ATP13A4: variants seen among roughly 807,000 people sequenced by gnomAD.
ATP13A4 encodes ATPase 13A4.
Under a neutral mutation model 142.5 loss-of-function variants are expected in ATP13A4, and 114 were observed. That is an observed-to-expected ratio of 0.80 (90% CI 0.69 to 0.93). The LOEUF (loss-of-function observed/expected upper bound fraction) is 0.93. Ranked by LOEUF, ATP13A4 falls within the 40% of genes least tolerant of loss-of-function variation. The pLI is 0.00. For missense variants in ATP13A4, 1,392 were observed against 1,454.0 expected (o/e 0.96, Z 0.69); for synonymous variants, 488 against 514.8 (o/e 0.95, Z 0.70).
At chr3:193,479,947 A>G (rs1719193415) in intron 8 of ATP13A4, among the ~76,000 whole-genome samples, 1 of 152,148 alleles carries the variant, frequency 6.6e-6, no homozygotes, top group Non-Finnish European at 1.5e-5. Context: ...ACAATAGAGA[A>G]CTTAGAAATA....
chr3:193,494,122 T>C (rs1292333451), intron 3 of ATP13A4, among the ~76,000 whole-genome samples: 7 of 152,044 alleles, frequency 4.6e-5, no homozygotes, highest in Admixed American at 4.6e-4. Context: ...AGCACCTAAA[T>C]ATATAAAGCA....
chr3:193,552,855 G>C (rs1577076587), intron 1 of ATP13A4, among the ~76,000 whole-genome samples: 1 of 152,146 alleles, frequency 6.6e-6, no homozygotes, highest in East Asian at 1.9e-4. Flanking sequence ...TACCTCATAG[G>C]GTTGTGAGGA....
intron 6 of ATP13A4, among the ~76,000 whole-genome samples, chr3:193,491,067 A>T (rs1719916618): frequency 6.6e-6 from 1 of 152,248 alleles, no homozygotes; most frequent in African/African-American, 2.4e-5. Flanking sequence ...TTAAAAAAGA[A>T]AAGAAACATT....
At chr3:193,529,125 CCG>C (rs1722173076) in intron 1 of ATP13A4, among the ~76,000 whole-genome samples, 2 of 152,066 alleles carry the variant, frequency 1.3e-5, no homozygotes, top group African/African-American at 4.8e-5. Context: ...CGAAAATTAG[CCG>C]GCAATGGTGG....
chr3:193,409,740 A>G (rs1007477612), intron 28 of ATP13A4, among the ~76,000 whole-genome samples: 1 of 152,328 alleles, frequency 6.6e-6, no homozygotes, highest in East Asian at 1.9e-4. Flanking sequence ...CAAACTAAAG[A>G]TATTAGTTAG....
chr3:193,582,500 A>G (rs1407582733), intron 1 of ATP13A4, among the ~76,000 whole-genome samples: 2 of 142,624 alleles, frequency 1.4e-5, no homozygotes, highest in East Asian at 4.0e-4. Flanking sequence ...GTATATACTT[A>G]TAAGTATACA....
At chr3:193,591,989 TAA>T (rs919190513) in intron 1 of ATP13A4, among the ~76,000 whole-genome samples, 20 of 152,266 alleles carry the variant, frequency 1.3e-4, no homozygotes, top group African/African-American at 3.9e-4. Flanking sequence ...AAGAAAATTC[TAA>T]GAGTCCTGCA....
intron 1 of ATP13A4, among the ~76,000 whole-genome samples, chr3:193,584,661 A>G (rs961919540): frequency 6.6e-6 from 1 of 151,634 alleles, no homozygotes; most frequent in Non-Finnish European, 1.5e-5. Context: ...TGTTTAATGT[A>G]AACTTTCAAT....
At chr3:193,469,056 G>A (rs753064881) in intron 9 of ATP13A4, among the ~76,000 whole-genome samples, 1 of 152,146 alleles carries the variant, frequency 6.6e-6, no homozygotes, top group Non-Finnish European at 1.5e-5. Context: ...AGCTCATGAG[G>A]TTATGGATGA....
intron 2 of ATP13A4, among the ~76,000 whole-genome samples, chr3:193,576,247 ATCTTTTTTTTTT>A (rs1724390608): frequency 4.7e-5 from 5 of 107,332 alleles, no homozygotes; most frequent in Non-Finnish European, 1.0e-4. Context: ...GCTTGAATCA[ATCTTTTTTTTTT>A]TTTTTTTTTT....
chr3:193,448,075 G>A, intron 18 of ATP13A4, 131 bp downstream of exon 18: 1 of 1,230,592 alleles, frequency 8.1e-7, no homozygotes, highest in South Asian at 1.4e-5. Context: ...GTGCCTTTTT[G>A]TTGCCCATCT....
intron 1 of ATP13A4, 86 bp from the exon 2 acceptor site, chr3:193,514,957 G>A: frequency 6.8e-7 from 1 of 1,460,802 alleles, no homozygotes; most frequent in South Asian, 1.2e-5. Flanking sequence ...GATGGAAATG[G>A]GGGCAGAGTG....
intron 1 of ATP13A4, among the ~76,000 whole-genome samples, chr3:193,519,322 AC>A (rs1721588852): frequency 6.6e-6 from 1 of 152,222 alleles, no homozygotes; most frequent in African/African-American, 2.4e-5. Context: ...AAACTGAGGT[AC>A]TAAGACAGAA....
At chr3:193,587,838 C>T (rs1337919994) in intron 1 of ATP13A4, among the ~76,000 whole-genome samples, 1 of 151,976 alleles carries the variant, frequency 6.6e-6, no homozygotes, top group African/African-American at 2.4e-5. Flanking sequence ...ATGGGTTATG[C>T]CATAATCCCA....
intron 25 of ATP13A4, among the ~76,000 whole-genome samples, chr3:193,427,618 C>T (rs1160013436): frequency 6.6e-6 from 1 of 152,096 alleles, no homozygotes; most frequent in Non-Finnish European, 1.5e-5. Context: ...CAGAACAGAA[C>T]CCTCAGAAAG....
At chr3:193,404,236 C>T (rs912549123) in intron 29 of ATP13A4, 2 of 795,346 alleles carry the variant, frequency 2.5e-6, no homozygotes, top group Non-Finnish European at 3.0e-6. Context: ...CTTAGCAAAC[C>T]TTAAAACAAA....
At chr3:193,567,528 A>C (rs1724160724) in intron 2 of ATP13A4, among the ~76,000 whole-genome samples, 1 of 152,182 alleles carries the variant, frequency 6.6e-6, no homozygotes, top group Non-Finnish European at 1.5e-5. Flanking sequence ...ATACGAATTA[A>C]TATTATTTCC....
intron 16 of ATP13A4, among the ~76,000 whole-genome samples, chr3:193,454,666 T>C (rs907978415): frequency 6.6e-6 from 1 of 152,196 alleles, no homozygotes; most frequent in African/African-American, 2.4e-5. Flanking sequence ...GCTAACTGTA[T>C]GCAGAAGACT....
chr3:193,443,657 C>T (rs575069409), intron 18 of ATP13A4, among the ~76,000 whole-genome samples: 3 of 152,228 alleles, frequency 2.0e-5, no homozygotes, highest in Non-Finnish European at 4.4e-5. Flanking sequence ...GTTGCCAATC[C>T]ATAGATAGCC....
Sources: gnomAD v4.1 joint callset for allele counts (sites outside exome capture counted in the v4.1 genomes callset) on GRCh38, gnomAD v4.1.1 for gene constraint, MANE v1.5 for transcripts, NCBI Gene and HGNC (gene_info 2026-07-23, HGNC 2026-07-21) for gene names.